The following TTC6 variants were observed in gnomAD, a reference collection of about 807,000 sequenced individuals.
The protein encoded by TTC6 is tetratricopeptide repeat domain 6.
TTC6 carries 172 observed loss-of-function variants against 210.4 expected under a neutral mutation model. That is an observed-to-expected ratio of 0.82 (90% CI 0.72 to 0.93). The LOEUF (loss-of-function observed/expected upper bound fraction) is 0.93. Among genes scored for constraint, TTC6 ranks in the 40% least tolerant of loss-of-function variants. The pLI is 0.00. For synonymous variants in TTC6, 804 were observed against 819.6 expected, an observed-to-expected ratio of 0.98 and a Z score of 0.32; for missense variants, 2,414 against 2,318.1, an observed-to-expected ratio of 1.04 and a Z score of -0.85.
At chr14:37,792,772 AATGTTGTGT>A (rs1193852285) in intron 17 of TTC6, among the ~76,000 whole-genome samples, 2 of 134,258 alleles carry the variant, frequency 1.5e-5, no homozygotes, top group Admixed American at 7.9e-5. Flanking sequence ...TCTATGGTCC[AATGTTGTGT>A]GTGTGTGTGT....
chr14:37,622,704 T>A, exon 1 of TTC6: 2 of 1,535,060 alleles, frequency 1.3e-6, no homozygotes. Flanking sequence ...AGAGGACGGC[T>A]ACATGGAGGC....
At chr14:37,837,360 C>G (rs1175982923) in intron 29 of TTC6, 15 of 453,442 alleles carry the variant, frequency 3.3e-5, no homozygotes, top group African/African-American at 1.4e-4. Context: ...TTTCCCTTGA[C>G]TCATTTCTGA....
exon 23 of TTC6, chr14:37,807,410 G>A: frequency 6.5e-7 from 1 of 1,530,314 alleles, no homozygotes; most frequent in Non-Finnish European, 8.8e-7. Flanking sequence ...AATTTACCCT[G>A]AAAGCGTACG....
At chr14:37,821,519 A>G (rs2096157129) in intron 26 of TTC6, among the ~76,000 whole-genome samples, 1 of 152,290 alleles carries the variant, frequency 6.6e-6, no homozygotes, top group South Asian at 2.1e-4. Flanking sequence ...GCTTGCTTGT[A>G]ACATCAGAAG....
intron 14 of TTC6, among the ~76,000 whole-genome samples, chr14:37,770,888 C>T (rs1429622230): frequency 1.3e-5 from 2 of 149,466 alleles, no homozygotes; most frequent in African/African-American, 4.9e-5. Context: ...GATGCAGTTT[C>T]TTCCTAGTCT....
chr14:37,719,498 A>T (rs1595147156), intron 6 of TTC6, among the ~76,000 whole-genome samples: 2 of 152,022 alleles, frequency 1.3e-5, no homozygotes, highest in East Asian at 3.9e-4. Flanking sequence ...TGGTGGATGG[A>T]CAGGCCTGTA....
At chr14:37,716,771 C>A (rs2095853422) in intron 6 of TTC6, among the ~76,000 whole-genome samples, 1 of 152,040 alleles carries the variant, frequency 6.6e-6, no homozygotes, top group African/African-American at 2.4e-5. Flanking sequence ...ATTCATAGAA[C>A]ACTTAGAAAA....
At chr14:37,739,219 A>C in intron 10 of TTC6, 64 bp downstream of exon 12, 1 of 1,354,920 alleles carries the variant, frequency 7.4e-7, no homozygotes, top group Non-Finnish European at 9.7e-7. Context: ...TTAATTTTAT[A>C]ATCTCACCCC....
At chr14:37,665,223 C>T (rs778604044) in intron 1 of TTC6, among the ~76,000 whole-genome samples, 1 of 150,252 alleles carries the variant, frequency 6.7e-6, no homozygotes, top group Non-Finnish European at 1.5e-5. Flanking sequence ...GCACTATTCA[C>T]AATAGCAAAG....
exon 12 of TTC6, chr14:37,749,786 A>T: frequency 6.8e-7 from 1 of 1,465,376 alleles, no homozygotes; most frequent in Non-Finnish European, 9.0e-7. Flanking sequence ...CCAAGACAAA[A>T]TTAATGAAGC....
chr14:37,718,956 G>A (rs959363447), intron 6 of TTC6, among the ~76,000 whole-genome samples: 2 of 151,806 alleles, frequency 1.3e-5, no homozygotes, highest in Admixed American at 1.3e-4. Context: ...AAGTTCTGAG[G>A]AATCTGTACA....
chr14:37,725,312 G>GTGTATA (rs1318506400), intron 7 of TTC6, among the ~76,000 whole-genome samples: 22 of 33,890 alleles, frequency 6.5e-4, no homozygotes, highest in South Asian at 2.2e-3. Context: ...GTGTGTGTGT[G>GTGTATA]TATATATATA....
intron 14 of TTC6, among the ~76,000 whole-genome samples, chr14:37,784,222 GT>G (rs1460143356): frequency 6.6e-6 from 1 of 152,156 alleles, no homozygotes; most frequent in African/African-American, 2.4e-5. Context: ...ACAGTGGGGT[GT>G]TAAAGTCTCC....
intron 14 of TTC6, among the ~76,000 whole-genome samples, chr14:37,769,444 G>A (rs1174515334): frequency 3.9e-5 from 6 of 151,900 alleles, no homozygotes; most frequent in East Asian, 1.9e-4. Flanking sequence ...GACTCTTTTT[G>A]GTTGGTAAGC....
chr14:37,826,100 C>T, intron 27 of TTC6, 95 bp from the exon 30 acceptor site: 2 of 1,283,314 alleles, frequency 1.6e-6, no homozygotes, highest in Non-Finnish European at 2.1e-6. Flanking sequence ...ATAAATATAC[C>T]CTTACTAAAG....
At chr14:37,764,860 G>A (rs2095994041) in intron 14 of TTC6, among the ~76,000 whole-genome samples, 1 of 151,316 alleles carries the variant, frequency 6.6e-6, no homozygotes. Flanking sequence ...TATATTTTGT[G>A]TATTATATTG....
intron 25 of TTC6, among the ~76,000 whole-genome samples, chr14:37,815,893 T>A (rs1316649155): frequency 1.3e-5 from 2 of 152,108 alleles, no homozygotes; most frequent in Non-Finnish European, 2.9e-5. Flanking sequence ...ATAATGATTA[T>A]ATATAGAGAG....
intron 7 of TTC6, among the ~76,000 whole-genome samples, chr14:37,728,326 T>A (rs182388727): frequency 4.5e-4 from 69 of 152,104 alleles, no homozygotes; most frequent in Admixed American, 1.6e-3. Context: ...ACGCCTGTAA[T>A]CCCAGCACTT....
chr14:37,795,426 C>CCAT, intron 18 of TTC6, 74 bp downstream of exon 20: 6 of 960,858 alleles, frequency 6.2e-6, no homozygotes, highest in Non-Finnish European at 8.8e-6. Flanking sequence ...CTTCAGTTCC[C>CCAT]TCTTGAACCT....
Sources: allele counts gnomAD v4.1 joint callset (sites outside exome capture counted in the v4.1 genomes callset), GRCh38; gene constraint gnomAD v4.1.1; transcripts MANE v1.5; gene names NCBI Gene and HGNC (gene_info 2026-07-23, HGNC 2026-07-21).